CEP192: variants seen among roughly 807,000 people sequenced by gnomAD.
CEP192 encodes the protein centrosomal protein 192.
In CEP192, 151 loss-of-function variants were observed where a neutral mutation model predicts 271.8. That is an observed-to-expected ratio of 0.56 (90% confidence interval 0.49 to 0.64). The LOEUF is 0.64. CEP192 is among the 30% of genes least tolerant of loss of function. The probability of loss-of-function intolerance (pLI) is 0.00; values close to 1 mark genes in which losing one functional copy is unlikely to be tolerated. For missense variants in CEP192, 2,910 were observed against 3,020.5 expected (o/e 0.96, Z 0.86); for synonymous variants, 995 against 1,076.5 (o/e 0.92, Z 1.48).
intron 40 of CEP192, among the ~76,000 whole-genome samples, 166 bp downstream of exon 40, chr18:13,105,245 G>A (rs1356432956): frequency 6.6e-6 from 1 of 152,196 alleles, no homozygotes; most frequent in Non-Finnish European, 1.5e-5. Context: ...GTAGCAGATA[G>A]TCTTAGTGTG....
At chr18:13,003,536 T>G (rs899355874) in intron 3 of CEP192, among the ~76,000 whole-genome samples, 1 of 151,182 alleles carries the variant, frequency 6.6e-6, no homozygotes, top group African/African-American at 2.4e-5. Context: ...GAAGCAGACT[T>G]CAGGCCAAAG....
chr18:13,038,622 T>G (rs2036035905), intron 13 of CEP192, 43 bp downstream of exon 13: 4 of 1,418,432 alleles, frequency 2.8e-6, no homozygotes, highest in Non-Finnish European at 3.9e-6. Flanking sequence ...TCACCAGATT[T>G]TAGATTTTGA....
Position 13,095,624 on chromosome 18 carries a change from T to C in CEP192, c.6376T>C (p.Ser2126Pro). 2.5e-6 allele frequency: 4 copies of C among 1,614,224 alleles called. No individual in the cohort carries two copies. The highest frequency in any genetic ancestry group is 3.4e-6 in the Non-Finnish European group (4 of 1,180,042). ...AARPPLDQLA[S>P]EEPWTVLPEH... ...TCGCCCGCCTCTGGATCAGCTGGCCTCCGAAGAGCCGTGGACTGTCCTACC... is the reference window on the plus strand; with the variant it reads ...TCGCCCGCCTCTGGATCAGCTGGCCCCCGAAGAGCCGTGGACTGTCCTACC... Residue 2126 changes from serine to proline, a missense_variant, in exon 35 of 45, where the codon TCC becomes CCC. Physicochemically the swap from Ser to Pro is moderately conservative, Grantham distance 74. Coordinates refer to ENST00000506447, the MANE Select transcript of CEP192 (RefSeq NM_032142.4).
At chr18:13,013,800 T>G (rs1284749885) in intron 5 of CEP192, among the ~76,000 whole-genome samples, 1 of 152,244 alleles carries the variant, frequency 6.6e-6, no homozygotes, top group Non-Finnish European at 1.5e-5. Flanking sequence ...TTACAAAATA[T>G]AAACTAAACA....
chr18:13,115,123 A>C (rs991853751), intron 42 of CEP192, among the ~76,000 whole-genome samples: 2 of 152,180 alleles, frequency 1.3e-5, no homozygotes, highest in African/African-American at 4.8e-5. Context: ...GGAAGAAATT[A>C]GAGCCCTTTA....
chr18:13,029,534 G>T (rs575034871), intron 9 of CEP192, 129 bp from the exon 10 acceptor site: 1 of 629,926 alleles, frequency 1.6e-6, no homozygotes, highest in South Asian at 2.3e-5. Context: ...CGAATACTGT[G>T]TGTTCTCTTC....
At chr18:13,109,570 C>A (rs2040115965) in intron 40 of CEP192, among the ~76,000 whole-genome samples, 1 of 151,970 alleles carries the variant, frequency 6.6e-6, no homozygotes, top group Non-Finnish European at 1.5e-5. Context: ...ACAATAAGCC[C>A]ATTTTCCATA....
chr18:13,068,206 A>G lies in CEP192; in HGVS notation c.4727A>G (p.Asn1576Ser), dbSNP rs1399695451. Reference sequence around the variant, plus strand: ...CGGCTAGCAGGCCCTTCTGTGGTCAACCACATGATGCCTGCTAGTTATGAT... The same window carrying G: ...CGGCTAGCAGGCCCTTCTGTGGTCAGCCACATGATGCCTGCTAGTTATGAT... ...VTRLAGPSVV[N>S]HMMPASYDGQ... is the part of the protein sequence containing the mutation. Residue 1576 changes from asparagine (N) to serine (S), a missense_variant, in exon 23 of 45, where the codon AAC (asparagine) becomes AGC (serine). Asn to Ser is a conservative substitution (Grantham distance 46, BLOSUM62 1). Coordinates refer to ENST00000506447, the MANE Select transcript of CEP192 (RefSeq NM_032142.4). 2 of 1,614,140 alleles carry G rather than the reference A, an allele frequency of 1.2e-6. No individual in the cohort carries two copies. The highest frequency in any genetic ancestry group is 1.7e-5 in the Admixed American group (1 of 60,018).
At chr18:13,085,826 G>A (rs571605298) in intron 30 of CEP192, among the ~76,000 whole-genome samples, 113 of 152,122 alleles carry the variant, frequency 7.4e-4, no homozygotes, top group Non-Finnish European at 1.4e-3. Flanking sequence ...GTCAGGTGGC[G>A]TGATGCCTCC....
chr18:13,020,337 G>A (rs964542624), intron 9 of CEP192, among the ~76,000 whole-genome samples: 2 of 152,048 alleles, frequency 1.3e-5, no homozygotes, highest in Non-Finnish European at 2.9e-5. Flanking sequence ...ACAATATTTG[G>A]CCTTCTGTGT....
chr18:13,105,891 A>G (rs975559984), intron 40 of CEP192, among the ~76,000 whole-genome samples: 7 of 152,210 alleles, frequency 4.6e-5, no homozygotes, highest in Non-Finnish European at 8.8e-5. Context: ...AACAAGAAAG[A>G]CATCCCATGT....
At chr18:13,081,399 C>G (rs578117286) in intron 30 of CEP192, among the ~76,000 whole-genome samples, 1 of 152,256 alleles carries the variant, frequency 6.6e-6, no homozygotes, top group East Asian at 1.9e-4. Flanking sequence ...ACCATTTCTT[C>G]TAGATTTTCT....
Position 13,008,519 on chromosome 18 carries a change from G to A in CEP192, c.354G>A (p.Gln118=). 6.4e-7 allele frequency: 1 copy of A among 1,551,566 alleles called. No individual in the cohort carries two copies. Among genetic ancestry groups the A allele is most frequent in the Non-Finnish European group, 8.7e-7 (1 of 1,146,904 alleles). ...SQRLSNALSK[Q]SALQMETAGP... ...GTTTGTCAAATGCTCTCAGCAAACA[G>A]TCAGCTTTACAAATGGAGACAGCAG... is the stretch of plus-strand genomic sequence containing the variant. Residue 118 remains glutamine, a synonymous_variant, in exon 4 of 45, where the codon CAG becomes CAA. Transcript: ENST00000506447.
chr18:13,098,969 G>A (rs1320367598), intron 36 of CEP192, among the ~76,000 whole-genome samples: 2 of 152,276 alleles, frequency 1.3e-5, no homozygotes, highest in East Asian at 3.9e-4. Flanking sequence ...CTTGTGTTTA[G>A]GAGCTGGAGA....
intron 21 of CEP192, among the ~76,000 whole-genome samples, chr18:13,065,450 A>G (rs2037642744): frequency 1.3e-5 from 2 of 152,230 alleles, no homozygotes; most frequent in African/African-American, 4.8e-5. Context: ...TGAGTGCTTA[A>G]AATACATATT....
chr18:13,100,351 T>C lies in CEP192; in HGVS notation c.6710T>C (p.Leu2237Pro). 1 of 1,614,140 alleles carries C rather than the reference T, an allele frequency of 6.2e-7. No homozygotes were observed. The highest frequency in any genetic ancestry group is 1.6e-4 in the Middle Eastern group (1 of 6,062). The change falls in exon 38 of 45, where the codon CTT (leucine) becomes CCT (proline). Residue 2237 changes from leucine (L) to proline (P), a missense_variant. Physicochemically the swap from Leu to Pro is moderately conservative, Grantham distance 98. Coordinates refer to ENST00000506447, the MANE Select transcript of CEP192 (RefSeq NM_032142.4). Reference sequence around the variant, plus strand: ...CGAGAAGATTTAACTCAAGTGGAACTTTTAACTCGTTTGACCTCCAAACCA... The same window carrying C: ...CGAGAAGATTTAACTCAAGTGGAACCTTTAACTCGTTTGACCTCCAAACCA... ...QIREDLTQVE[L>P]LTRLTSKPFG...
intron 43 of CEP192, 93 bp downstream of exon 43, chr18:13,116,596 A>G: frequency 7.9e-7 from 1 of 1,259,472 alleles, no homozygotes; most frequent in South Asian, 1.5e-5. Context: ...GACTATATTT[A>G]AGTTGTAAGA....
chr18:13,111,999 AAT>A (rs2040231264), intron 40 of CEP192, among the ~76,000 whole-genome samples: 1 of 152,196 alleles, frequency 6.6e-6, no homozygotes, highest in Non-Finnish European at 1.5e-5. Flanking sequence ...GATGTGGGGA[AAT>A]TGGAACCCTG....
chr18:12,995,990 T>C (rs1256835838), intron 1 of CEP192, among the ~76,000 whole-genome samples: 2 of 152,188 alleles, frequency 1.3e-5, no homozygotes, highest in African/African-American at 4.8e-5. Flanking sequence ...TGGGCCCTGG[T>C]TGGCCATCTT....
Sources: gnomAD v4.1 joint callset for allele counts (sites outside exome capture counted in the v4.1 genomes callset) on GRCh38, gnomAD v4.1.1 for gene constraint, MANE v1.5 for transcripts, NCBI Gene and HGNC (gene_info 2026-07-23, HGNC 2026-07-21) for gene names.